The following LAMTOR5 variants were observed in gnomAD, a reference collection of about 807,000 sequenced individuals.
LAMTOR5 encodes late endosomal/lysosomal adaptor, MAPK and MTOR activator 5, also known as ragulator complex protein LAMTOR5.
In LAMTOR5, 8 loss-of-function variants were observed where a neutral mutation model predicts 12.1. The observed-to-expected ratio is 0.66, with a 90% CI of 0.39 to 1.19. LAMTOR5 has a LOEUF of 1.19. LAMTOR5 is among the 50% of genes most tolerant of loss of function. The probability of loss-of-function intolerance (pLI) is 0.01; values close to 1 mark genes in which losing one functional copy is unlikely to be tolerated. For synonymous variants in LAMTOR5, 37 were observed against 41.9 expected (o/e 0.88, Z 0.45); for missense variants, 110 against 112.8 (o/e 0.97, Z 0.11).
intron 3 of LAMTOR5, among the ~76,000 whole-genome samples, chr1:110,401,926 C>G (rs1663238348): frequency 6.6e-6 from 1 of 151,372 alleles, no homozygotes. Flanking sequence ...GCTGGAACTA[C>G]AAAAAAAAGG....
chr1:110,404,360 C>T (rs985961505), intron 2 of LAMTOR5, among the ~76,000 whole-genome samples: 3 of 152,208 alleles, frequency 2.0e-5, no homozygotes, highest in Non-Finnish European at 4.4e-5. Context: ...AACATTTTGA[C>T]CAGATCCGAT....
intron 3 of LAMTOR5, 150 bp from the exon 4 acceptor site, chr1:110,401,733 G>T: frequency 2.5e-6 from 2 of 803,568 alleles, no homozygotes; most frequent in Non-Finnish European, 3.9e-6. Flanking sequence ...CAAAACATTT[G>T]GGAAATACAT....
chr1:110,404,735 A>G (rs996567185), intron 2 of LAMTOR5, among the ~76,000 whole-genome samples: 4 of 152,186 alleles, frequency 2.6e-5, no homozygotes, highest in African/African-American at 9.7e-5. Flanking sequence ...AGCATTTTAT[A>G]CATATTATAT....
At chr1:110,403,400 G>A (rs1209237395) in intron 3 of LAMTOR5, among the ~76,000 whole-genome samples, 6 of 152,030 alleles carry the variant, frequency 3.9e-5, no homozygotes, top group East Asian at 1.9e-4. Context: ...CTGGAGCCCA[G>A]GAGTTCGAGA....
At chr1:110,401,960 G>A (rs748620871) in intron 3 of LAMTOR5, among the ~76,000 whole-genome samples, 6 of 152,104 alleles carry the variant, frequency 3.9e-5, no homozygotes, top group African/African-American at 1.4e-4. Flanking sequence ...TGTTTTCTTT[G>A]CATGTATATG....
intron 2 of LAMTOR5, among the ~76,000 whole-genome samples, chr1:110,404,998 A>C (rs1663299535): frequency 6.6e-6 from 1 of 151,274 alleles, no homozygotes; most frequent in African/African-American, 2.4e-5. Flanking sequence ...CAGTGAGCCA[A>C]GATCGTGCCA....
chr1:110,404,240 C>T (rs1030620246), intron 2 of LAMTOR5, among the ~76,000 whole-genome samples: 1 of 150,430 alleles, frequency 6.6e-6, no homozygotes, highest in African/African-American at 2.4e-5. Context: ...GTGTACTTTA[C>T]AATATATTTC....
At chr1:110,403,846 A>G (rs1283643747) in intron 3 of LAMTOR5, 73 bp downstream of exon 3, 8 of 1,583,626 alleles carry the variant, frequency 5.1e-6, no homozygotes, top group Non-Finnish European at 5.2e-6. Flanking sequence ...TGATGAACAC[A>G]GGGCCGGCCC....
chr1:110,407,553 TCAGGA>T (rs748178468), intron 1 of LAMTOR5, 28 bp downstream of exon 1: 6 of 1,605,058 alleles, frequency 3.7e-6, no homozygotes, highest in Non-Finnish European at 5.1e-6. Context: ...CGCCGCGACC[TCAGGA>T]CAGGCCGAAG....
intron 3 of LAMTOR5, 21 bp from the exon 4 acceptor site, chr1:110,401,604 A>C: frequency 4.4e-6 from 7 of 1,597,188 alleles, no homozygotes; most frequent in Non-Finnish European, 5.1e-6. Context: ...GGAAGAAAAT[A>C]TTCAGTAAAA....
At chr1:110,404,302 T>C (rs769843158) in intron 2 of LAMTOR5, among the ~76,000 whole-genome samples, 1 of 152,226 alleles carries the variant, frequency 6.6e-6, no homozygotes, top group Non-Finnish European at 1.5e-5. Context: ...AATCAGGTAA[T>C]AGACATGCCA....
In LAMTOR5 at chr1:110,401,307, T is replaced by G. The variant is rs546996580; in HGVS notation, c.*216A>C. The G allele has an allele frequency of 3.0e-4, 124 of 410,238 alleles. No homozygotes were observed. The highest frequency in any genetic ancestry group is 5.1e-4 in the Non-Finnish European group (117 of 229,842). The allele number at this position is 410,238 out of a possible 1,614,324, so 25.4% of individuals were successfully genotyped here. A position where few individuals can be genotyped will look rare whatever the true frequency, so the allele number is the denominator to read the frequency against. ...GCAAAATTCTATATACAAAGTGACC[T>G]GGACCTGCTGCTTCAAAACATGATC... On this transcript the variant is annotated 3_prime_UTR_variant, in exon 4 of 4. Transcript: ENST00000602318.
At chr1:110,405,058 A>G (rs1487191053) in intron 2 of LAMTOR5, among the ~76,000 whole-genome samples, 2 of 152,098 alleles carry the variant, frequency 1.3e-5, no homozygotes, top group African/African-American at 4.8e-5. Context: ...AAAAAAAAAA[A>G]AAAAAAAGTG....
At chr1:110,405,494 T>C (rs1211676993) in intron 2 of LAMTOR5, among the ~76,000 whole-genome samples, 1 of 151,996 alleles carries the variant, frequency 6.6e-6, no homozygotes, top group Non-Finnish European at 1.5e-5. Flanking sequence ...AACATATATA[T>C]ATGTTTATTG....
chr1:110,406,806 G>A (rs916262707), intron 1 of LAMTOR5: 2 of 408,644 alleles, frequency 4.9e-6, no homozygotes, highest in Non-Finnish European at 8.7e-6. Context: ...CCTGGAAGAC[G>A]AGCGAAATTC....
chr1:110,407,089 T>C (rs1421103951), intron 1 of LAMTOR5: 1 of 683,534 alleles, frequency 1.5e-6, no homozygotes, highest in Non-Finnish European at 2.7e-6. Flanking sequence ...TGTCTCTCTG[T>C]ACCCTTTACA....
intron 3 of LAMTOR5, among the ~76,000 whole-genome samples, chr1:110,402,665 T>A (rs955490335): frequency 3.9e-5 from 6 of 152,170 alleles, no homozygotes; most frequent in Admixed American, 6.6e-5. Flanking sequence ...TTACAGGAGA[T>A]GACAACTCCA....
At chr1:110,407,370 C>T (rs984678177) in intron 1 of LAMTOR5, 3 of 642,602 alleles carry the variant, frequency 4.7e-6, no homozygotes, top group Non-Finnish European at 7.9e-6. Context: ...GAGACTCGCT[C>T]AAGAGGGAAT....
chr1:110,405,864 A>G (rs1663318697), intron 2 of LAMTOR5, among the ~76,000 whole-genome samples: 1 of 152,196 alleles, frequency 6.6e-6, no homozygotes, highest in Admixed American at 6.5e-5. Flanking sequence ...TATGTCCAAC[A>G]CTGAAATCCC....
Sources: allele counts gnomAD v4.1 joint callset (sites outside exome capture counted in the v4.1 genomes callset), GRCh38; gene constraint gnomAD v4.1.1; transcripts MANE v1.5; gene names NCBI Gene and HGNC (gene_info 2026-07-23, HGNC 2026-07-21).